EMC9: variants seen among roughly 807,000 people sequenced by gnomAD.
The protein encoded by EMC9 is ER membrane protein complex subunit 9, also known as UPF0172 protein FAM158A.
EMC9 carries 20 observed loss-of-function variants against 25.0 expected under a neutral mutation model. That is an observed-to-expected ratio of 0.80 (90% confidence interval 0.56 to 1.16). The LOEUF (loss-of-function observed/expected upper bound fraction) is 1.16, where lower values mean the gene tolerates loss of function less well. EMC9 is among the 50% of genes most tolerant of loss of function. The probability of loss-of-function intolerance (pLI) is 0.00; values close to 1 mark genes in which losing one functional copy is unlikely to be tolerated. For missense variants in EMC9, 256 were observed against 268.7 expected (o/e 0.95, Z 0.33); for synonymous variants, 100 against 107.0 (o/e 0.93, Z 0.40).
chr14:24,141,118 C>T lies in EMC9; in HGVS notation c.187G>A (p.Ala63Thr). 1 of 1,613,980 alleles carries T rather than the reference C, an allele frequency of 6.2e-7. No individual in the cohort carries two copies. The change falls in exon 2 of 6, where the codon GCC becomes ACC. Residue 63 changes from alanine (A) to threonine (T), a missense_variant. Coordinates refer to ENST00000216799, the MANE Select transcript of EMC9 (RefSeq NM_016049.4). ...TCCAACGGAGGCACCTGGTTGAGGGCGACCTCCAACATGACGGACAGGGCC... is the reference window on the plus strand; with the variant it reads ...TCCAACGGAGGCACCTGGTTGAGGGTGACCTCCAACATGACGGACAGGGCC... ...HLALSVMLEV[A>T]LNQVDVWGAQ...
rs1301259016 is a variant in EMC9, at chr14:24,139,611, A to G, written c.279T>C (p.Pro93=). The G allele has an allele frequency of 1.2e-5, 20 of 1,613,678 alleles. No homozygotes were observed. Among genetic ancestry groups the G allele is most frequent in the Non-Finnish European group, 1.6e-5 (19 of 1,179,838 alleles). The change falls in exon 4 of 6, where the codon CCT becomes CCC. Residue 93 remains proline, a synonymous_variant. Transcript: ENST00000216799. This position sits in a 1 kb window ranked among gnomAD's most constrained non-coding sequence, Gnocchi z 4.6. ...CAGCAATTTTCAAGGCCAGGGGCCC[A>G]GGGCTGTGTAGAGGGAAGATCAGAG... The part of the protein sequence containing the change: ...HANAAVNDQS[P]GPLALKIAGR...
intron 3 of EMC9, chr14:24,140,180 T>A (rs2038018783): frequency 6.6e-6 from 1 of 152,272 alleles, no homozygotes; most frequent in Non-Finnish European, 1.5e-5. Flanking sequence ...TCTTTTCCTA[T>A]ATGTATATAT....
In EMC9 at chr14:24,141,511, G is replaced by T; in HGVS notation, c.-86C>A. 1 of 620,422 alleles carries T rather than the reference G, an allele frequency of 1.6e-6. No individual in the cohort carries two copies. Among genetic ancestry groups the T allele is most frequent in the Non-Finnish European group, 2.8e-6 (1 of 351,064 alleles). The allele number at this position is 620,422 out of a possible 1,614,324, so 38.4% of individuals were successfully genotyped here. A position where few individuals can be genotyped will look rare whatever the true frequency, so the allele number is the denominator to read the frequency against. ...CCCGGCGCCCTGGGTCCCGGAGTCC[G>T]CCCCCGGCCCAGTCCAGGAGGAGGT... On this transcript the variant is annotated 5_prime_UTR_variant, in exon 1 of 6. Transcript: ENST00000216799.
chr14:24,139,172 C>T lies in EMC9; in HGVS notation c.465G>A (p.Glu155=), dbSNP rs138959890. ...KNLVMWRDWE[E]SRQMVGALLE... is the part of the protein sequence containing the mutation. The stretch of plus-strand genomic sequence containing the variant: ...GTAGAGCTCCCACCATCTGCCGTGA[C>T]TCTTCCCAGTCCCTCCACATCACTC... The change falls in exon 6 of 6, where the codon GAG becomes GAA. Residue 155 remains glutamate, a synonymous_variant. Transcript: ENST00000216799. This position sits in a 1 kb window ranked among gnomAD's most constrained non-coding sequence, Gnocchi z 4.6. The T allele has an allele frequency of 1.7e-5, 28 of 1,614,086 alleles. No homozygotes were observed. The highest frequency in any genetic ancestry group is 2.4e-5 in the Non-Finnish European group (28 of 1,180,032).
rs1491484318 is a variant in EMC9, at chr14:24,140,145, TAA to T, written c.276-533_276-532del. 472 of 57,436 alleles carry T rather than the reference TAA, an allele frequency of 8.2e-3. 3 individuals carry two copies. Among genetic ancestry groups the T allele is most frequent in the African/African-American group, 0.043 (442 of 10,394 alleles). 3.6% of individuals were successfully genotyped at this position (57,436 alleles called of 1,614,324 possible). ...CCTCTAATTGCTCCATGTATATGATTAATATATATATATATATATATATGTCT... is the reference window on the plus strand; with the variant it reads ...CCTCTAATTGCTCCATGTATATGATTTATATATATATATATATATATGTCT... On this transcript the variant is annotated intron_variant, in intron 3 of 5. Transcript: ENST00000216799.
rs2139058362 is a variant in EMC9 at position 24,141,090 on chromosome 14, G to A, written c.198+17C>T. 6.2e-7 allele frequency: 1 copy of A among 1,613,920 alleles called. No homozygotes were observed. Among genetic ancestry groups the A allele is most frequent in the Non-Finnish European group, 8.5e-7 (1 of 1,180,010 alleles). ...TGGGTGGGTTCGCGGTGGGGGATGG[G>A]CATCCAACGGAGGCACCTGGTTGAG... On this transcript the variant is annotated intron_variant, in intron 2 of 5. Transcript: ENST00000216799.
Position 24,139,688 on chromosome 14 carries a change from A to G in EMC9, c.276-74T>C. 6.4e-7 allele frequency: 1 copy of G among 1,569,104 alleles called. No homozygotes were observed. Among genetic ancestry groups the G allele is most frequent in the Non-Finnish European group, 8.6e-7 (1 of 1,157,018 alleles). On this transcript the variant is annotated intron_variant, in intron 3 of 5. Transcript: ENST00000216799. This position sits in a 1 kb window ranked among gnomAD's most constrained non-coding sequence, Gnocchi z 4.6. ...CCCATCCATTTGAGCTGGGCCTCCC[A>G]GGTCTCATAGGTGTGGGCGCAGCTG...
In EMC9 at chr14:24,139,674, G is replaced by C; in HGVS notation, c.276-60C>G. 2 of 1,585,132 alleles carry C rather than the reference G, an allele frequency of 1.3e-6. No individual in the cohort carries two copies. The highest frequency in any genetic ancestry group is 1.1e-5 in the South Asian group (1 of 87,258). ...AACTGTGGGCAAAACCCATCCATTT[G>C]AGCTGGGCCTCCCAGGTCTCATAGG... On this transcript the variant is annotated intron_variant, in intron 3 of 5. Transcript: ENST00000216799. This position sits in a 1 kb window ranked among gnomAD's most constrained non-coding sequence, Gnocchi z 4.6.
In EMC9 at chr14:24,139,322, G is replaced by A. The variant is rs1228347606; in HGVS notation, c.440+38C>T. 6.2e-6 allele frequency: 10 copies of A among 1,607,948 alleles called. No homozygotes were observed. The highest frequency in any genetic ancestry group is 8.5e-6 in the Non-Finnish European group (10 of 1,176,104). ...AGGACAGAGGAGACCCAGGAGCCTT[G>A]GGCTTCTAAGAAGAGGTAGAGGGAG... On this transcript the variant is annotated intron_variant, in intron 5 of 5. Coordinates refer to ENST00000216799, the MANE Select transcript of EMC9 (RefSeq NM_016049.4). The surrounding 1 kb of genome is among the most constrained non-coding windows in gnomAD (Gnocchi z 4.6).
chr14:24,140,813 C>T (rs563903832), intron 3 of EMC9, 76 bp downstream of exon 3: 1 of 1,454,804 alleles, frequency 6.9e-7, no homozygotes, highest in South Asian at 1.2e-5. Context: ...CACCGCCCCA[C>T]GCATCCTCGC....
In EMC9 at chr14:24,139,819, G is replaced by T. The variant is rs1310937096; in HGVS notation, c.276-205C>A. On this transcript the variant is annotated intron_variant, in intron 3 of 5. Transcript: ENST00000216799. This position sits in a 1 kb window ranked among gnomAD's most constrained non-coding sequence, Gnocchi z 4.6. The stretch of plus-strand genomic sequence containing the variant: ...GGGAGACAGGTGCTCAGATATTGCT[G>T]GTGAGAGTGGAAACCAAAGGTGGTC... The T allele has an allele frequency of 1.3e-6, 2 of 1,489,294 alleles. No homozygotes were observed. Among genetic ancestry groups the T allele is most frequent in the South Asian group, 2.4e-5 (2 of 82,372 alleles). 92.3% of individuals were successfully genotyped at this position (1,489,294 alleles called of 1,614,324 possible). A position where few individuals can be genotyped will look rare whatever the true frequency, so the allele number is the denominator to read the frequency against.
At position 24,141,150 on chromosome 14, in the gene EMC9, C is replaced by T; in HGVS notation, c.155G>A (p.Ser52Asn). ...CAACATGACGGACAGGGCCAGGTGG[C>T]TGTGGAAGAGGGGCACACAGTCGGT... ...CLTDCVPLFH[S>N]HLALSVMLEV... is the part of the protein sequence containing the mutation. Residue 52 changes from serine (S) to asparagine (N), a missense_variant, in exon 2 of 6, where the codon AGC becomes AAC. Transcript: ENST00000216799. 6.2e-7 allele frequency: 1 copy of T among 1,614,108 alleles called. No individual in the cohort carries two copies. Among genetic ancestry groups the T allele is most frequent in the Non-Finnish European group, 8.5e-7 (1 of 1,180,052 alleles).
chr14:24,141,050 C>T, intron 2 of EMC9, 57 bp downstream of exon 2: 2 of 1,613,784 alleles, frequency 1.2e-6, no homozygotes, highest in Non-Finnish European at 1.7e-6. Context: ...CGGGGATGAA[C>T]TTGGGCTGGG....
chr14:24,140,839 T>A, intron 3 of EMC9, 50 bp downstream of exon 3: 12 of 1,044,440 alleles, frequency 1.1e-5, no homozygotes, highest in South Asian at 1.2e-5. Context: ...ATTCCTCCAA[T>A]CCCCAACCCG....
chr14:24,141,454 C>A lies in EMC9; in HGVS notation c.-29G>T. The A allele has an allele frequency of 1.2e-6, 1 of 846,032 alleles. No individual in the cohort carries two copies. The highest frequency in any genetic ancestry group is 2.4e-5 in the Admixed American group (1 of 41,480). The allele number at this position is 846,032 out of a possible 1,614,324, so 52.4% of individuals were successfully genotyped here. A position where few individuals can be genotyped will look rare whatever the true frequency, so the allele number is the denominator to read the frequency against. ...CCCTCTCACTTCGGTTCGGCGACAA[C>A]GCTAACTCGACTCGCAGGTAGCCCG... On this transcript the variant is annotated 5_prime_UTR_variant, in exon 1 of 6. Transcript: ENST00000216799.
rs554985462 is a variant in EMC9, at chr14:24,139,311, C to G, written c.440+49G>C. On this transcript the variant is annotated intron_variant, in intron 5 of 5. Transcript: ENST00000216799. This position sits in a 1 kb window ranked among gnomAD's most constrained non-coding sequence, Gnocchi z 4.6. Reference sequence around the variant, plus strand: ...GGGCAGGGCCAAGGACAGAGGAGACCCAGGAGCCTTGGGCTTCTAAGAAGA... The same window carrying G: ...GGGCAGGGCCAAGGACAGAGGAGACGCAGGAGCCTTGGGCTTCTAAGAAGA... 6.2e-7 allele frequency: 1 copy of G among 1,605,888 alleles called. No individual in the cohort carries two copies. The highest frequency in any genetic ancestry group is 1.3e-5 in the African/African-American group (1 of 74,618).
In EMC9 at chr14:24,139,900, C is replaced by T. The variant is rs770744469; in HGVS notation, c.276-286G>A. 1.6e-6 allele frequency: 1 copy of T among 627,136 alleles called. No homozygotes were observed. The highest frequency in any genetic ancestry group is 2.2e-5 in the Admixed American group (1 of 44,942). 38.8% of individuals were successfully genotyped at this position (627,136 alleles called of 1,614,324 possible). ...AAATTGAAACTGTATACATACTATA[C>T]ATATGCTGACCCAGAAATTCTACTT... On this transcript the variant is annotated intron_variant, in intron 3 of 5. Coordinates refer to ENST00000216799, the MANE Select transcript of EMC9 (RefSeq NM_016049.4). The surrounding 1 kb of genome is among the most constrained non-coding windows in gnomAD (Gnocchi z 4.6).
Position 24,139,155 on chromosome 14 carries a change from C to T in EMC9, c.482G>A (p.Gly161Glu). 6.2e-7 allele frequency: 1 copy of T among 1,614,212 alleles called. No individual in the cohort carries two copies. Among genetic ancestry groups the T allele is most frequent in the East Asian group, 2.2e-5 (1 of 44,892 alleles). ...RDWEESRQMVGALLEDRAHQH... is the reference protein window; with the variant it reads ...RDWEESRQMVEALLEDRAHQH... ...GTGGGCCCGATCTTCCAGTAGAGCT[C>T]CCACCATCTGCCGTGACTCTTCCCA... is the stretch of plus-strand genomic sequence containing the variant. Residue 161 changes from glycine to glutamate, a missense_variant, in exon 6 of 6, where the codon GGA becomes GAA. Gly to Glu is a moderately conservative substitution (Grantham distance 98). Transcript: ENST00000216799. The surrounding 1 kb of genome is among the most constrained non-coding windows in gnomAD (Gnocchi z 4.6).
rs146903491 is a variant in EMC9, at chr14:24,139,122, A to C, written c.515T>G (p.Leu172Arg). 2.7e-5 allele frequency: 43 copies of C among 1,614,076 alleles called. No individual in the cohort carries two copies. In the African/African-American group the frequency reaches 5.3e-4, roughly 20 times the overall value. Residue 172 changes from leucine (L) to arginine (R), a missense_variant, in exon 6 of 6, where the codon CTT (leucine) becomes CGT (arginine). Leu to Arg is a moderately radical substitution (Grantham distance 102, BLOSUM62 -2). Coordinates refer to ENST00000216799, the MANE Select transcript of EMC9 (RefSeq NM_016049.4). This position sits in a 1 kb window ranked among gnomAD's most constrained non-coding sequence, Gnocchi z 4.6. ...ALLEDRAHQH[L>R]VDFDCHLDDI... The stretch of plus-strand genomic sequence containing the variant: ...ATCAAGGTGGCAGTCAAAGTCCACA[A>C]GGTGCTGGTGGGCCCGATCTTCCAG...
Sources: allele counts gnomAD v4.1 joint callset, GRCh38; gene constraint gnomAD v4.1.1; non-coding constraint Gnocchi (gnomAD v3.1); transcripts MANE v1.5; gene names NCBI Gene and HGNC (gene_info 2026-07-23, HGNC 2026-07-21).